The following ULK4 variants were observed in gnomAD, a reference collection of about 807,000 sequenced individuals.
The protein encoded by ULK4 is inactive serine/threonine-protein kinase ULK4.
Under a neutral mutation model 160.6 loss-of-function variants are expected in ULK4, and 133 were observed. That is an observed-to-expected ratio of 0.83 (90% confidence interval 0.72 to 0.96). The LOEUF is 0.96. Among genes scored for constraint, ULK4 ranks in the 40% least tolerant of loss-of-function variants. The probability of loss-of-function intolerance (pLI) is 0.00; values close to 1 mark genes in which losing one functional copy is unlikely to be tolerated. For missense variants in ULK4, 1,580 were observed against 1,499.5 expected (o/e 1.05, Z -0.89); for synonymous variants, 534 against 539.8 (o/e 0.99, Z 0.15).
intron 27 of ULK4, among the ~76,000 whole-genome samples, chr3:41,698,448 A>G (rs1029553690): frequency 2.6e-5 from 4 of 152,156 alleles, no homozygotes; most frequent in African/African-American, 9.7e-5. Context: ...GAGCACCAAC[A>G]TGACGCTCAG....
intron 31 of ULK4, among the ~76,000 whole-genome samples, chr3:41,602,094 G>A (rs976538194): frequency 1.3e-5 from 2 of 152,020 alleles, no homozygotes; most frequent in African/African-American, 4.8e-5. Flanking sequence ...CACTAAAGAG[G>A]CTGAGGTAAT....
At chr3:41,691,622 T>C (rs1035589291) in intron 27 of ULK4, among the ~76,000 whole-genome samples, 14 of 151,918 alleles carry the variant, frequency 9.2e-5, no homozygotes, top group African/African-American at 3.1e-4. Context: ...CAGTATTATC[T>C]ATTTATTTAT....
At chr3:41,268,497 C>A (rs1039765850) in intron 35 of ULK4, among the ~76,000 whole-genome samples, 20 of 152,128 alleles carry the variant, frequency 1.3e-4, no homozygotes, top group Non-Finnish European at 7.4e-5. Context: ...GAGGTTCTGG[C>A]AGACTACCCT....
intron 32 of ULK4, among the ~76,000 whole-genome samples, chr3:41,465,570 C>T (rs1442811054): frequency 6.6e-6 from 1 of 152,050 alleles, no homozygotes; most frequent in Non-Finnish European, 1.5e-5. Context: ...TCTAATAGTC[C>T]TTCCTCTACT....
At chr3:41,929,908 T>C (rs1012400050) in intron 5 of ULK4, among the ~76,000 whole-genome samples, 3 of 152,032 alleles carry the variant, frequency 2.0e-5, no homozygotes, top group South Asian at 2.1e-4. Context: ...AATGGCCATA[T>C]TGCCCAAAGT....
chr3:41,520,853 AC>A (rs1483972002), intron 32 of ULK4, among the ~76,000 whole-genome samples: 2 of 152,176 alleles, frequency 1.3e-5, no homozygotes, highest in East Asian at 3.8e-4. Flanking sequence ...CCATTTGTAT[AC>A]TGTCTTTGGA....
intron 32 of ULK4, among the ~76,000 whole-genome samples, chr3:41,492,691 T>A (rs2084828535): frequency 6.6e-6 from 1 of 152,010 alleles, no homozygotes; most frequent in Non-Finnish European, 1.5e-5. Flanking sequence ...CCATCTCATG[T>A]GCAGAGACAC....
intron 32 of ULK4, among the ~76,000 whole-genome samples, chr3:41,473,483 G>A (rs972571785): frequency 7.2e-4 from 109 of 151,914 alleles, no homozygotes; most frequent in African/African-American, 2.6e-3. Flanking sequence ...CCAACATGGT[G>A]AAATCCCATT....
rs1553654814 is a variant in ULK4, at chr3:41,794,686, A to AAC, written c.2011-4844_2011-4843insGT. On this transcript the variant is annotated intron_variant, in intron 20 of 36. Coordinates refer to ENST00000301831, the MANE Select transcript of ULK4 (RefSeq NM_017886.4). ...AAAAAAAAAAAAAAAAAAAAAAAAA[A>AAC]CACAGAAAAAAAAACCACAAACCTG... is the stretch of plus-strand genomic sequence containing the variant. Among the ~76,000 whole-genome samples, 117 of 112,422 alleles carry AAC rather than the reference A, an allele frequency of 1.0e-3. 9 individuals are homozygous for AAC. Among genetic ancestry groups the AAC allele is most frequent in the African/African-American group, 4.6e-3 (110 of 24,160 alleles). 73.8% of individuals were successfully genotyped at this position (112,422 alleles called of 152,430 possible).
At chr3:41,958,099 C>T (rs180721697) in intron 1 of ULK4, among the ~76,000 whole-genome samples, 165 of 149,464 alleles carry the variant, frequency 1.1e-3, no homozygotes, top group African/African-American at 3.9e-3. Flanking sequence ...ACTGGTAGAT[C>T]ATACCTCAAT....
chr3:41,641,109 A>G (rs914261705), intron 30 of ULK4, among the ~76,000 whole-genome samples: 4 of 152,196 alleles, frequency 2.6e-5, no homozygotes, highest in Non-Finnish European at 4.4e-5. Context: ...TGCAGCCACT[A>G]TAAGTCTTTT....
intron 22 of ULK4, among the ~76,000 whole-genome samples, chr3:41,732,324 A>G (rs1575619963): frequency 6.6e-6 from 1 of 152,160 alleles, no homozygotes; most frequent in East Asian, 1.9e-4. Flanking sequence ...ACATTTCTCA[A>G]AAGACATACA....
At chr3:41,444,955 A>G (rs2083263153) in intron 34 of ULK4, among the ~76,000 whole-genome samples, 1 of 152,166 alleles carries the variant, frequency 6.6e-6, no homozygotes, top group African/African-American at 2.4e-5. Flanking sequence ...AGATGACATG[A>G]TTGTATATCT....
chr3:41,574,909 G>A (rs185290060), intron 31 of ULK4, among the ~76,000 whole-genome samples: 1 of 150,662 alleles, frequency 6.6e-6, no homozygotes, highest in Admixed American at 6.6e-5. Flanking sequence ...AATCTGGAAG[G>A]CTGTAGGCCA....
At chr3:41,519,276 T>G (rs2085850363) in intron 32 of ULK4, among the ~76,000 whole-genome samples, 1 of 152,176 alleles carries the variant, frequency 6.6e-6, no homozygotes, top group African/African-American at 2.4e-5. Flanking sequence ...CCTCTGTGCC[T>G]CACAGGAGAG....
intron 32 of ULK4, among the ~76,000 whole-genome samples, chr3:41,562,030 T>G (rs771720030): frequency 1.6e-4 from 25 of 152,284 alleles, no homozygotes; most frequent in Non-Finnish European, 3.1e-4. Context: ...ACACTGCTTT[T>G]AATGTGTCCC....
At chr3:41,457,018 C>T (rs1355501283) in intron 33 of ULK4, among the ~76,000 whole-genome samples, 5 of 152,196 alleles carry the variant, frequency 3.3e-5, no homozygotes, top group African/African-American at 1.2e-4. Flanking sequence ...CTAACTTTAT[C>T]GGAAATGGAG....
At chr3:41,749,659 C>T (rs1275820165) in intron 22 of ULK4, among the ~76,000 whole-genome samples, 8 of 152,012 alleles carry the variant, frequency 5.3e-5, no homozygotes, top group African/African-American at 1.9e-4. Context: ...TGAAATGTAA[C>T]CCCATTGGAA....
chr3:41,575,408 G>A, intron 31 of ULK4, among the ~76,000 whole-genome samples: 1 of 152,078 alleles, frequency 6.6e-6, no homozygotes, highest in East Asian at 1.9e-4. Context: ...CTCTGACAGG[G>A]GCTGAGGAGG....
Sources: allele counts gnomAD v4.1 joint callset (sites outside exome capture counted in the v4.1 genomes callset), GRCh38; gene constraint gnomAD v4.1.1; transcripts MANE v1.5; gene names NCBI Gene and HGNC (gene_info 2026-07-23, HGNC 2026-07-21).